The following PID1 variants were observed in gnomAD, a reference collection of about 807,000 sequenced individuals.
The protein encoded by PID1 is phosphotyrosine interaction domain containing 1.
A neutral mutation model predicts 19.1 loss-of-function variants in PID1; 10 were observed. That is an observed-to-expected ratio of 0.52 (90% CI 0.32 to 0.89). The LOEUF is 0.89. Among genes scored for constraint, PID1 ranks in the 40% least tolerant of loss-of-function variants. PID1 has a pLI of 0.03. For synonymous variants in PID1, 130 were observed against 116.0 expected (o/e 1.12, Z -0.78); for missense variants, 248 against 285.3 (o/e 0.87, Z 0.94).
chr2:229,249,802 CCCCTGGGCAG>C (rs1191755576), intron 1 of PID1, among the ~76,000 whole-genome samples: 1 of 150,318 alleles, frequency 6.7e-6, no homozygotes, highest in Non-Finnish European at 1.5e-5. Flanking sequence ...GGAGTATGAT[CCCCTGGGCAG>C]GGCAGGCGGC....
intron 1 of PID1, among the ~76,000 whole-genome samples, chr2:229,252,009 A>G (rs1690167410): frequency 6.6e-6 from 1 of 152,016 alleles, no homozygotes; most frequent in Non-Finnish European, 1.5e-5. Flanking sequence ...CAAAGAATGC[A>G]ATGGCTTTGA....
rs757509097 is a variant in PID1 at position 229,107,942 on chromosome 2, G to A, written c.177+47876C>T. ...CATCTAAAGCATTTACGAGACAACT[G>A]TTTCAAAGGCTGTGGAATTTTGCCA... On this transcript the variant is annotated intron_variant, in intron 2 of 2. Coordinates refer to ENST00000392055, the MANE Select transcript of PID1 (RefSeq NM_001100818.2). Among the ~76,000 whole-genome samples the A allele has an allele frequency of 5.6e-4, 85 of 152,166 alleles. 1 individual carries two copies. The highest frequency in any genetic ancestry group is 9.1e-4 in the Non-Finnish European group (62 of 68,034).
At chr2:229,190,323 GA>G (rs1363005757) in intron 1 of PID1, among the ~76,000 whole-genome samples, 5 of 152,216 alleles carry the variant, frequency 3.3e-5, no homozygotes, top group African/African-American at 9.6e-5. Context: ...TTATGCAAAT[GA>G]TAGAGTTGAA....
At chr2:229,195,750 G>A (rs1451726341) in intron 1 of PID1, among the ~76,000 whole-genome samples, 1 of 151,926 alleles carries the variant, frequency 6.6e-6, no homozygotes, top group African/African-American at 2.4e-5. Flanking sequence ...CCTTCTTATG[G>A]GTTGTAAGAT....
intron 1 of PID1, among the ~76,000 whole-genome samples, chr2:229,246,857 C>T (rs1690016744): frequency 6.6e-6 from 1 of 152,260 alleles, no homozygotes; most frequent in South Asian, 2.1e-4. Flanking sequence ...AGCCAGTTCT[C>T]ACAATCTTTT....
At chr2:229,159,974 G>A (rs547433607) in intron 1 of PID1, among the ~76,000 whole-genome samples, 2 of 152,254 alleles carry the variant, frequency 1.3e-5, no homozygotes, top group African/African-American at 4.8e-5. Context: ...AAGTTGGTTG[G>A]GAAAGAAATT....
chr2:229,191,410 C>T (rs916123483), intron 1 of PID1, among the ~76,000 whole-genome samples: 11 of 152,146 alleles, frequency 7.2e-5, no homozygotes, highest in Admixed American at 7.2e-4. Flanking sequence ...GCTCATATAA[C>T]CAGGGTCCTC....
At chr2:229,141,727 T>TG (rs1690016107) in intron 2 of PID1, among the ~76,000 whole-genome samples, 1 of 152,148 alleles carries the variant, frequency 6.6e-6, no homozygotes, top group South Asian at 2.1e-4. Flanking sequence ...TTTATCCTCA[T>TG]TACTTCCTGA....
chr2:229,050,895 GC>G, intron 2 of PID1, among the ~76,000 whole-genome samples: 1 of 152,294 alleles, frequency 6.6e-6, no homozygotes, highest in Non-Finnish European at 1.5e-5. Context: ...CAAATGATAT[GC>G]CTTTTATGTA....
At chr2:229,233,317 C>G (rs1168542923) in intron 1 of PID1, among the ~76,000 whole-genome samples, 3 of 150,566 alleles carry the variant, frequency 2.0e-5, no homozygotes, top group African/African-American at 7.3e-5. Flanking sequence ...AATATGAGAA[C>G]ATTTAGAAGC....
chr2:229,170,276 ACTGT>A (rs1435695170), intron 1 of PID1, among the ~76,000 whole-genome samples: 1 of 152,162 alleles, frequency 6.6e-6, no homozygotes, highest in Non-Finnish European at 1.5e-5. Flanking sequence ...TTTCTCATCA[ACTGT>A]CTGGTACTTT....
At chr2:229,231,875 A>C (rs1206778756) in intron 1 of PID1, 1 of 1,549,012 alleles carries the variant, frequency 6.5e-7, no homozygotes, top group African/African-American at 1.4e-5. Flanking sequence ...CTATAACGAA[A>C]TACCACAGAG....
At chr2:229,048,174 T>C (rs1279817096) in intron 2 of PID1, among the ~76,000 whole-genome samples, 1 of 152,114 alleles carries the variant, frequency 6.6e-6, no homozygotes, top group Non-Finnish European at 1.5e-5. Context: ...GATCTAGTGA[T>C]TTTCCCCTCA....
At chr2:229,169,459 C>T (rs540789781) in intron 1 of PID1, among the ~76,000 whole-genome samples, 1 of 152,272 alleles carries the variant, frequency 6.6e-6, no homozygotes, top group Non-Finnish European at 1.5e-5. Context: ...GAAAGCAATG[C>T]TTTCTCTAGC....
intron 2 of PID1, among the ~76,000 whole-genome samples, chr2:229,102,692 C>T (rs1455361785): frequency 6.6e-6 from 1 of 152,132 alleles, no homozygotes; most frequent in Non-Finnish European, 1.5e-5. Context: ...TAATAGAACC[C>T]TCTAGGTCCT....
intron 2 of PID1, among the ~76,000 whole-genome samples, chr2:229,112,194 T>G (rs546942058): frequency 7.9e-5 from 12 of 152,202 alleles, no homozygotes; most frequent in Non-Finnish European, 1.5e-4. Flanking sequence ...CACATAAACT[T>G]TGTATTATTA....
chr2:229,160,739 G>A (rs1255378639), intron 1 of PID1, among the ~76,000 whole-genome samples: 1 of 152,090 alleles, frequency 6.6e-6, no homozygotes, highest in Non-Finnish European at 1.5e-5. Context: ...TTTAAAACGG[G>A]TACCTTCAAT....
chr2:229,229,370 T>C (rs1341448469), intron 1 of PID1, among the ~76,000 whole-genome samples: 1 of 152,148 alleles, frequency 6.6e-6, no homozygotes, highest in African/African-American at 2.4e-5. Context: ...TGGATTGCAA[T>C]TGGATGTTCT....
chr2:229,076,600 GT>G (rs1454217646), intron 2 of PID1, among the ~76,000 whole-genome samples: 1 of 151,846 alleles, frequency 6.6e-6, no homozygotes, highest in African/African-American at 2.4e-5. Context: ...GTGCCCATAT[GT>G]TCTCATTGGT....
Sources: gnomAD v4.1 joint callset for allele counts (sites outside exome capture counted in the v4.1 genomes callset) on GRCh38, gnomAD v4.1.1 for gene constraint, MANE v1.5 for transcripts, NCBI Gene and HGNC (gene_info 2026-07-23, HGNC 2026-07-21) for gene names.